TLK2: variants seen among roughly 807,000 people sequenced by gnomAD.
TLK2 encodes the protein tousled like kinase 2, also known as serine/threonine-protein kinase tousled-like 2.
Under a neutral mutation model 117.3 loss-of-function variants are expected in TLK2, and 6 were observed. That is an observed-to-expected ratio of 0.05 (90% CI 0.03 to 0.10). TLK2 has a LOEUF of 0.10. Ranked by LOEUF, TLK2 falls within the 10% of genes least tolerant of loss-of-function variation. TLK2 has a pLI of 1.00. For missense variants in TLK2, 299 were observed against 901.2 expected, an observed-to-expected ratio of 0.33 and a Z score of 8.56; for synonymous variants, 257 against 316.7, an observed-to-expected ratio of 0.81 and a Z score of 2.00.
At chr17:62,538,033 G>GTTTTTTTTT (rs57512334) in intron 7 of TLK2, among the ~76,000 whole-genome samples, 3 of 106,162 alleles carry the variant, frequency 2.8e-5, no homozygotes, top group Non-Finnish European at 3.7e-5. Context: ...TTAAATCTTT[G>GTTTTTTTTT]TTTTTTTTTT....
At chr17:62,559,949 C>G in intron 9 of TLK2, 67 bp from the exon 10 acceptor site, 2 of 1,141,490 alleles carry the variant, frequency 1.8e-6, no homozygotes, top group East Asian at 2.5e-5. Context: ...TTTTTTCTCT[C>G]CCTAGAAACT....
chr17:62,528,022 T>G (rs1415084223), intron 6 of TLK2, among the ~76,000 whole-genome samples: 1 of 152,242 alleles, frequency 6.6e-6, no homozygotes, highest in Non-Finnish European at 1.5e-5. Flanking sequence ...ATTACAGGCA[T>G]GAGTCACCGT....
intron 19 of TLK2, 33 bp downstream of exon 19, chr17:62,602,213 T>G: frequency 6.2e-7 from 1 of 1,606,532 alleles, no homozygotes; most frequent in African/African-American, 1.3e-5. Flanking sequence ...AGGTTGGCTA[T>G]AGAGATGTGG....
At chr17:62,512,942 G>T (rs1226352317) in intron 2 of TLK2, among the ~76,000 whole-genome samples, 1 of 150,288 alleles carries the variant, frequency 6.7e-6, no homozygotes, top group African/African-American at 2.4e-5. Context: ...GCAATGGTGC[G>T]ATCTCAGCTC....
rs998980599 is a variant in TLK2, at chr17:62,493,263, A to G, written c.81+12057A>G. ...ACTGGCTTGTTTCACTTAGCATAGT[A>G]TCTTCGAAGTTTATCTGTGTTGTAG... is the stretch of plus-strand genomic sequence containing the variant. On this transcript the variant is annotated intron_variant, in intron 2 of 21. Transcript: ENST00000346027. Among the ~76,000 whole-genome samples, 39 of 152,230 alleles carry G rather than the reference A, an allele frequency of 2.6e-4. 1 individual carries two copies. The highest frequency in any genetic ancestry group is 9.2e-4 in the African/African-American group (38 of 41,468).
rs1167172373 is a variant in TLK2, at chr17:62,580,196, A to G, written c.1368+4A>G. 3 of 1,606,174 alleles carry G rather than the reference A, an allele frequency of 1.9e-6. No homozygotes were observed. Among genetic ancestry groups the G allele is most frequent in the Non-Finnish European group, 2.6e-6 (3 of 1,175,570 alleles). Reference sequence around the variant, plus strand: ...AGGTTTCAGTGAAGTTTACAAGGTAAGTATAAGGAACTGGATACAAAGACT... The same window carrying G: ...AGGTTTCAGTGAAGTTTACAAGGTAGGTATAAGGAACTGGATACAAAGACT... On this transcript the variant is annotated splice_donor_region_variant and intron_variant, in intron 15 of 21. Transcript: ENST00000346027.
At chr17:62,517,512 A>T (rs961458283) in intron 2 of TLK2, among the ~76,000 whole-genome samples, 2 of 151,760 alleles carry the variant, frequency 1.3e-5, no homozygotes, top group African/African-American at 4.8e-5. Flanking sequence ...CTTCTGCCTC[A>T]GCCTCCCAAG....
At chr17:62,599,346 T>C (rs2082709193) in intron 17 of TLK2, among the ~76,000 whole-genome samples, 1 of 152,250 alleles carries the variant, frequency 6.6e-6, no homozygotes, top group African/African-American at 2.4e-5. Context: ...TGCAGTGCTT[T>C]ATGAAGGCCT....
intron 2 of TLK2, among the ~76,000 whole-genome samples, chr17:62,510,221 A>G (rs1203168215): frequency 1.3e-5 from 2 of 152,200 alleles, no homozygotes; most frequent in East Asian, 3.8e-4. Flanking sequence ...GCAGTGAGCC[A>G]GGATTGGAAC....
intron 11 of TLK2, among the ~76,000 whole-genome samples, chr17:62,571,779 C>A (rs1052374268): frequency 1.3e-5 from 2 of 152,100 alleles, no homozygotes; most frequent in East Asian, 3.9e-4. Flanking sequence ...GCTTGTCGTT[C>A]TTCCACGAAA....
intron 9 of TLK2, among the ~76,000 whole-genome samples, chr17:62,554,538 C>T (rs550285219): frequency 3.9e-5 from 6 of 151,968 alleles, no homozygotes; most frequent in Non-Finnish European, 7.4e-5. Context: ...GCTGAGATTG[C>T]GCCACTGCAT....
At chr17:62,528,478 G>A (rs573157354) in intron 6 of TLK2, among the ~76,000 whole-genome samples, 11 of 152,098 alleles carry the variant, frequency 7.2e-5, no homozygotes, top group East Asian at 1.9e-4. Flanking sequence ...GTGCAGTGGC[G>A]CAATCTTGGC....
At chr17:62,571,775 C>T (rs760488305) in intron 11 of TLK2, among the ~76,000 whole-genome samples, 12 of 152,082 alleles carry the variant, frequency 7.9e-5, no homozygotes, top group Admixed American at 6.6e-4. Flanking sequence ...TTCTGCTTGT[C>T]GTTCTTCCAC....
At chr17:62,542,012 A>C (rs2077570839) in intron 7 of TLK2, among the ~76,000 whole-genome samples, 1 of 152,240 alleles carries the variant, frequency 6.6e-6, no homozygotes, top group African/African-American at 2.4e-5. Flanking sequence ...ATTACAACAT[A>C]CATAAAGATC....
At chr17:62,526,323 T>A (rs1304376238) in intron 6 of TLK2, among the ~76,000 whole-genome samples, 2 of 152,214 alleles carry the variant, frequency 1.3e-5, no homozygotes, top group African/African-American at 4.8e-5. Flanking sequence ...TTCTACTTAG[T>A]TCCCTTTCCT....
chr17:62,574,394 G>A, intron 12 of TLK2: 1 of 1,458,084 alleles, frequency 6.9e-7, no homozygotes, highest in Non-Finnish European at 9.4e-7. Context: ...AGCCTTAGGA[G>A]CCCACAGTTT....
chr17:62,578,132 T>G (rs2080948611), intron 13 of TLK2, among the ~76,000 whole-genome samples: 1 of 152,192 alleles, frequency 6.6e-6, no homozygotes, highest in South Asian at 2.1e-4. Context: ...TAACCTGATT[T>G]TTGTAAAAAA....
rs73992027 is a variant in TLK2, at chr17:62,612,546, A to G, written c.2234A>G (p.Asn745Ser). 187 of 1,613,330 alleles carry G rather than the reference A, an allele frequency of 1.2e-4. No individual in the cohort carries two copies. The African/African-American group carries it at 2.2e-3, about 19-fold the overall frequency. ...AAIASTSGAS[N>S]NSSSN ...ATTGCATCAACCTCTGGGGCGTCCA[A>G]TAACAGTTCTTCTAATTGAGACTGA... Residue 745 changes from asparagine to serine, a missense_variant, in exon 22 of 22, where the codon AAT (asparagine) becomes AGT (serine). Physicochemically the swap from Asn to Ser is conservative, Grantham distance 46 (BLOSUM62 1). Around this residue, in one of 4 missense-constraint regions of TLK2, gnomAD observed 19 missense variants for 29.2 expected, o/e 0.65. Coordinates refer to ENST00000346027, the MANE Select transcript of TLK2 (RefSeq NM_006852.6).
chr17:62,592,961 G>C (rs993673743), intron 16 of TLK2, among the ~76,000 whole-genome samples: 11 of 152,154 alleles, frequency 7.2e-5, no homozygotes, highest in African/African-American at 2.4e-4. Flanking sequence ...ACTCCTATGA[G>C]AATCTGTGCC....
Sources: gnomAD v4.1 joint callset for allele counts (sites outside exome capture counted in the v4.1 genomes callset) on GRCh38, gnomAD v4.1.1 for gene constraint, gnomAD v4.1.1 regional missense constraint, MANE v1.5 for transcripts, NCBI Gene and HGNC (gene_info 2026-07-23, HGNC 2026-07-21) for gene names.